Variants in SAMD5 observed in about 807,000 individuals in gnomAD.
The protein encoded by SAMD5 is sterile alpha motif domain containing 5.
A neutral mutation model predicts 11.3 loss-of-function variants in SAMD5; 13 were observed. The observed-to-expected ratio is 1.15, with a 90% CI of 0.75 to 1.83. The LOEUF is 1.83. SAMD5 is among the 40% of genes most tolerant of loss of function. SAMD5 has a pLI of 0.00. For synonymous variants in SAMD5, 129 were observed against 111.3 expected, an observed-to-expected ratio of 1.16 and a Z score of -1.00; for missense variants, 255 against 239.1, an observed-to-expected ratio of 1.07 and a Z score of -0.44.
intron 1 of SAMD5, among the ~76,000 whole-genome samples, chr6:147,532,908 C>G (rs1480289570): frequency 1.3e-5 from 2 of 152,202 alleles, no homozygotes; most frequent in African/African-American, 4.8e-5. Context: ...TAGCCCTGCA[C>G]TACCGAGAGG....
At chr6:147,718,495 A>T (rs1448352942) in intron 1 of SAMD5, among the ~76,000 whole-genome samples, 1 of 152,176 alleles carries the variant, frequency 6.6e-6, no homozygotes, top group Non-Finnish European at 1.5e-5. Flanking sequence ...CCACCTCATG[A>T]ATTTTTATTT....
chr6:147,699,487 A>G (rs1344180533), intron 1 of SAMD5, among the ~76,000 whole-genome samples: 1 of 152,138 alleles, frequency 6.6e-6, no homozygotes, highest in Non-Finnish European at 1.5e-5. Flanking sequence ...TTCCCCTCCC[A>G]CTAATTATAA....
At position 147,730,927 on chromosome 6, in the gene SAMD5, T is replaced by C. The variant is rs1484963508; in HGVS notation, c.163-6390T>C. On this transcript the variant is annotated intron_variant, in intron 1 of 1. Transcript: ENST00000566741. ...GGTGGTGTTGGAAGCCTGGTCAGAG[T>C]AGACTCAAGAGAATATGAGAGGAGC... Among the ~76,000 whole-genome samples, 8 of 152,162 alleles carry C rather than the reference T, an allele frequency of 5.3e-5. 1 individual carries two copies. The East Asian group carries it at 9.7e-4, about 18-fold the overall frequency.
chr6:147,785,013 TA>T, the SAMD5 span, among the ~76,000 whole-genome samples: 2 of 152,208 alleles, frequency 1.3e-5, no homozygotes, highest in Non-Finnish European at 2.9e-5. Flanking sequence ...AAGTAGATTA[TA>T]AAGTTATGGC....
the SAMD5 span, among the ~76,000 whole-genome samples, chr6:147,920,195 T>C: frequency 6.6e-6 from 1 of 152,156 alleles, no homozygotes; most frequent in Non-Finnish European, 1.5e-5. Flanking sequence ...TCAGTCTGGG[T>C]GGGCACCATC....
the SAMD5 span, among the ~76,000 whole-genome samples, chr6:147,886,672 C>T: frequency 6.6e-6 from 1 of 152,090 alleles, no homozygotes. Flanking sequence ...AGGAAGCAAA[C>T]GGCCATATTA....
chr6:147,720,426 G>T (rs1350651921), intron 1 of SAMD5, among the ~76,000 whole-genome samples: 2 of 151,180 alleles, frequency 1.3e-5, no homozygotes, highest in African/African-American at 2.4e-5. Context: ...TAGCGCCACT[G>T]CACTCCAGCC....
chr6:147,770,805 C>G, the SAMD5 span, among the ~76,000 whole-genome samples: 13 of 152,170 alleles, frequency 8.5e-5, no homozygotes, highest in African/African-American at 1.9e-4. Flanking sequence ...CCTTAGACAA[C>G]TAACCTAATG....
chr6:147,792,745 A>C, the SAMD5 span, among the ~76,000 whole-genome samples: 2 of 152,302 alleles, frequency 1.3e-5, no homozygotes, highest in African/African-American at 4.8e-5. Context: ...GTACTCAAGA[A>C]ACATGATTAA....
the SAMD5 span, among the ~76,000 whole-genome samples, chr6:147,926,702 G>A: frequency 6.6e-6 from 1 of 152,046 alleles, no homozygotes. Context: ...GCCAATGTTT[G>A]CTTTTGTTGC....
In SAMD5 at chr6:147,581,361, G is replaced by C. The variant is rs1016127058; in HGVS notation, c.162+71974G>C. 3.6e-4 allele frequency among the ~76,000 whole-genome samples: 55 copies of C among 152,204 alleles called. 2 individuals carry two copies. The highest frequency in any genetic ancestry group is 5.9e-5 in the Non-Finnish European group (4 of 68,032). On this transcript the variant is annotated intron_variant, in intron 1 of 1. Coordinates refer to the SAMD5 transcript ENST00000566741. ...CTATATGTGTGCATCTCTGGAGAAA[G>C]ATCTGTCCTGGAGATGAATGTTGGG...
chr6:147,791,017 G>T, the SAMD5 span, among the ~76,000 whole-genome samples: 2 of 152,142 alleles, frequency 1.3e-5, no homozygotes, highest in East Asian at 3.9e-4. Context: ...AAGATAGGCC[G>T]GGTGTGGTGG....
chr6:147,673,668 A>AT (rs1449694247), intron 1 of SAMD5, among the ~76,000 whole-genome samples: 3 of 152,150 alleles, frequency 2.0e-5, no homozygotes, highest in Admixed American at 6.5e-5. Flanking sequence ...TGCTGATTTC[A>AT]TTTTTTTAAT....
intron 1 of SAMD5, among the ~76,000 whole-genome samples, chr6:147,587,292 C>T (rs1034573430): frequency 2.6e-5 from 4 of 152,086 alleles, no homozygotes; most frequent in African/African-American, 4.8e-5. Context: ...GGCTGGGGTA[C>T]AGTGACGTGA....
At chr6:147,922,395 G>A in the SAMD5 span, among the ~76,000 whole-genome samples, 11 of 152,272 alleles carry the variant, frequency 7.2e-5, no homozygotes, top group Non-Finnish European at 1.3e-4. Context: ...GTTACACCTC[G>A]TAATGTGGGG....
chr6:147,743,889 A>T, the SAMD5 span, among the ~76,000 whole-genome samples: 1 of 152,198 alleles, frequency 6.6e-6, no homozygotes, highest in Non-Finnish European at 1.5e-5. Flanking sequence ...CAGCATTCTT[A>T]ACTGGCGTGG....
chr6:147,828,323 A>T, the SAMD5 span, among the ~76,000 whole-genome samples: 2 of 152,042 alleles, frequency 1.3e-5, no homozygotes, highest in Non-Finnish European at 2.9e-5. Context: ...CTGCCCTTGC[A>T]AAAAAAAGGA....
chr6:147,904,303 A>G, the SAMD5 span, among the ~76,000 whole-genome samples: 1 of 152,130 alleles, frequency 6.6e-6, no homozygotes, highest in African/African-American at 2.4e-5. Context: ...CCTGGCCCCA[A>G]AAAGCTTCCA....
At chr6:147,788,953 A>G in the SAMD5 span, among the ~76,000 whole-genome samples, 2 of 151,994 alleles carry the variant, frequency 1.3e-5, no homozygotes, top group Non-Finnish European at 2.9e-5. Context: ...GCGTAGTGGC[A>G]GGTGCCTGTA....
Sources: allele counts gnomAD v4.1 joint callset (sites outside exome capture counted in the v4.1 genomes callset), GRCh38; gene constraint gnomAD v4.1.1; transcripts MANE v1.5; gene names NCBI Gene and HGNC (gene_info 2026-07-23, HGNC 2026-07-21).